Variants in ELOVL5 observed in about 807,000 individuals in gnomAD.
ELOVL5 encodes very long chain fatty acid elongase 5.
A neutral mutation model predicts 38.6 loss-of-function variants in ELOVL5; 8 were observed. The ratio of observed to expected loss-of-function variants is 0.21; its 90% CI spans 0.12 to 0.37. The LOEUF (loss-of-function observed/expected upper bound fraction) is 0.37, where lower values mean the gene tolerates loss of function less well. ELOVL5 is among the 10% of genes least tolerant of loss of function. The probability of loss-of-function intolerance (pLI) is 1.00; values close to 1 mark genes in which losing one functional copy is unlikely to be tolerated. For synonymous variants in ELOVL5, 127 were observed against 133.7 expected (o/e 0.95, Z 0.34); for missense variants, 280 against 367.8 (o/e 0.76, Z 1.95).
chr6:53,343,321 T>TC (rs777343280), intron 1 of ELOVL5, among the ~76,000 whole-genome samples: 1 of 152,048 alleles, frequency 6.6e-6, no homozygotes, highest in Non-Finnish European at 1.5e-5. Context: ...GAAGTCATCC[T>TC]CCCACCTCAG....
chr6:53,303,248 C>A (rs185328157), intron 1 of ELOVL5, among the ~76,000 whole-genome samples: 1 of 152,266 alleles, frequency 6.6e-6, no homozygotes, highest in East Asian at 1.9e-4. Flanking sequence ...GAAAGAAGAT[C>A]CAAGTACTAA....
intron 1 of ELOVL5, among the ~76,000 whole-genome samples, chr6:53,327,011 G>A (rs187525080): frequency 6.6e-6 from 1 of 152,262 alleles, no homozygotes; most frequent in Admixed American, 6.5e-5. Flanking sequence ...ACAAACAGAT[G>A]AGATGACCCT....
At chr6:53,284,474 A>G (rs1451312789) in intron 3 of ELOVL5, among the ~76,000 whole-genome samples, 1 of 152,166 alleles carries the variant, frequency 6.6e-6, no homozygotes, top group African/African-American at 2.4e-5. Flanking sequence ...TCTATGGGTA[A>G]CCACTCAACA....
At chr6:53,297,773 T>C (rs2073456256) in intron 1 of ELOVL5, among the ~76,000 whole-genome samples, 1 of 152,078 alleles carries the variant, frequency 6.6e-6, no homozygotes, top group South Asian at 2.1e-4. Context: ...TAGAATGTAC[T>C]CCCTGACGAT....
intron 1 of ELOVL5, among the ~76,000 whole-genome samples, chr6:53,323,849 C>T (rs982729377): frequency 5.3e-5 from 8 of 152,270 alleles, no homozygotes; most frequent in African/African-American, 1.2e-4. Context: ...CCGACCATTA[C>T]GGGCATGGGC....
At chr6:53,330,400 T>C (rs1768743312) in intron 1 of ELOVL5, among the ~76,000 whole-genome samples, 1 of 151,930 alleles carries the variant, frequency 6.6e-6, no homozygotes, top group African/African-American at 2.4e-5. Flanking sequence ...GTAGACATTA[T>C]AAATACTACA....
intron 1 of ELOVL5, among the ~76,000 whole-genome samples, chr6:53,341,478 A>G (rs1305022898): frequency 1.3e-5 from 2 of 152,210 alleles, no homozygotes; most frequent in East Asian, 3.9e-4. Context: ...TCTGCCACCT[A>G]CTAGCTGTGG....
At chr6:53,282,699 T>C (rs1470500515) in intron 3 of ELOVL5, among the ~76,000 whole-genome samples, 3 of 152,244 alleles carry the variant, frequency 2.0e-5, no homozygotes, top group African/African-American at 7.2e-5. Context: ...TTTCAACTGC[T>C]CTATACCTCT....
chr6:53,285,257 T>C (rs1461241486), intron 3 of ELOVL5, among the ~76,000 whole-genome samples: 1 of 152,224 alleles, frequency 6.6e-6, no homozygotes, highest in African/African-American at 2.4e-5. Context: ...TGAGAAAGCA[T>C]TAGTAGCCTT....
At chr6:53,273,905 A>G (rs1766014583) in intron 5 of ELOVL5, among the ~76,000 whole-genome samples, 1 of 152,104 alleles carries the variant, frequency 6.6e-6, no homozygotes. Context: ...ATCATTTTCA[A>G]TGTTCAGTAG....
intron 1 of ELOVL5, among the ~76,000 whole-genome samples, chr6:53,305,017 C>G (rs1767428707): frequency 6.6e-6 from 1 of 151,348 alleles, no homozygotes; most frequent in Non-Finnish European, 1.5e-5. Context: ...CAGAGGCGCC[C>G]CTCACCTCCC....
At chr6:53,316,620 T>C (rs1029665924) in intron 1 of ELOVL5, among the ~76,000 whole-genome samples, 1 of 150,648 alleles carries the variant, frequency 6.6e-6, no homozygotes, top group Non-Finnish European at 1.5e-5. Flanking sequence ...AGAGTCCAGA[T>C]GAGAGATGGG....
rs1293791043 is a variant in ELOVL5 at position 53,291,845 on chromosome 6, G to A, written c.177C>T (p.Phe59=). 1 of 1,613,990 alleles carries A rather than the reference G, an allele frequency of 6.2e-7. No homozygotes were observed. The highest frequency in any genetic ancestry group is 1.3e-5 in the African/African-American group (1 of 75,026). Residue 59 remains phenylalanine (F), a synonymous_variant, in exon 3 of 8, where the codon TTC becomes TTT. Coordinates refer to ENST00000304434, the MANE Select transcript of ELOVL5 (RefSeq NM_021814.5). ...GPKYMRNKQP[F]SCRGILVVYN... ...ACACCACTAAAATCCCCCGGCAAGA[G>A]AATGGCTGTTTATTCCTCATGTATT...
At chr6:53,287,520 T>A (rs1421506142) in intron 3 of ELOVL5, among the ~76,000 whole-genome samples, 4 of 152,126 alleles carry the variant, frequency 2.6e-5, no homozygotes, top group Admixed American at 2.6e-4. Flanking sequence ...TGCATCATAG[T>A]CCGTGGGAAC....
intron 1 of ELOVL5, among the ~76,000 whole-genome samples, chr6:53,329,715 T>G (rs2127590964): frequency 6.6e-6 from 1 of 152,192 alleles, no homozygotes; most frequent in South Asian, 2.1e-4. Context: ...TCCCAGCTAC[T>G]TGGGAGGCTG....
intron 1 of ELOVL5, among the ~76,000 whole-genome samples, chr6:53,339,281 T>C (rs376382444): frequency 3.9e-5 from 6 of 152,212 alleles, no homozygotes; most frequent in Non-Finnish European, 8.8e-5. Context: ...CCCATGAATT[T>C]TGTGATTCTC....
chr6:53,311,094 C>T (rs1210478998), intron 1 of ELOVL5, among the ~76,000 whole-genome samples: 1 of 152,160 alleles, frequency 6.6e-6, no homozygotes, highest in Non-Finnish European at 1.5e-5. Flanking sequence ...CTTCACAGAA[C>T]TTCACATCAA....
intron 1 of ELOVL5, among the ~76,000 whole-genome samples, chr6:53,330,454 A>C (rs1455108189): frequency 6.6e-6 from 1 of 150,686 alleles, no homozygotes; most frequent in Non-Finnish European, 1.5e-5. Context: ...ATTTATTTTA[A>C]AATTTTTTCT....
At chr6:53,338,725 G>C (rs1228512252) in intron 1 of ELOVL5, among the ~76,000 whole-genome samples, 2 of 152,134 alleles carry the variant, frequency 1.3e-5, no homozygotes, top group African/African-American at 4.8e-5. Context: ...ATATTCAAAA[G>C]GCTTTTAAGC....
Sources: allele counts gnomAD v4.1 joint callset (sites outside exome capture counted in the v4.1 genomes callset), GRCh38; gene constraint gnomAD v4.1.1; transcripts MANE v1.5; gene names NCBI Gene and HGNC (gene_info 2026-07-23, HGNC 2026-07-21).